ZNF596: variants seen among roughly 807,000 people sequenced by gnomAD.
ZNF596 encodes the protein zinc finger protein 596.
ZNF596 carries 45 observed loss-of-function variants against 48.3 expected under a neutral mutation model. The observed-to-expected ratio is 0.93, with a 90% CI of 0.73 to 1.19. The LOEUF (loss-of-function observed/expected upper bound fraction) is 1.19. Ranked by LOEUF, ZNF596 falls within the 50% of genes most tolerant of loss-of-function variation. The pLI is 0.00. For missense variants in ZNF596, 848 were observed against 599.7 expected (o/e 1.41, Z -4.32); for synonymous variants, 270 against 202.0 (o/e 1.34, Z -2.85).
In ZNF596 at chr8:245,384, C is replaced by T; in HGVS notation, c.537C>T (p.Asn179=). The T allele has an allele frequency of 2.5e-6, 4 of 1,614,176 alleles. No individual in the cohort carries two copies. Among genetic ancestry groups the T allele is most frequent in the Admixed American group, 1.7e-5 (1 of 60,032 alleles). ...TATTTGATTATGCCTTTATCCAAAA[C>T]TCTGCCCTTAGACCACACAGTGTGA... The part of the protein sequence containing the change: ...SHLFDYAFIQ[N]SALRPHSVTH... Residue 179 remains asparagine (N), a synonymous_variant, in exon 6 of 6, where the codon AAC becomes AAT. Transcript: ENST00000398612.
chr8:240,542 G>A (rs1241419117), intron 1 of ZNF596: 1 of 225,502 alleles, frequency 4.4e-6, no homozygotes, highest in Non-Finnish European at 8.7e-6. Context: ...TTAGGATTTG[G>A]AATCATAGAA....
intron 4 of ZNF596, 110 bp from the exon 5 acceptor site, chr8:244,509 C>A: frequency 1.4e-6 from 1 of 723,948 alleles, no homozygotes; most frequent in Non-Finnish European, 2.4e-6. Flanking sequence ...ATTTAACATT[C>A]TTTCCCTGTC....
chr8:243,763 C>A lies in ZNF596; in HGVS notation c.181C>A (p.Gln61Lys). ...ATCAGTTGTGCTTTCCCAATTGGAG[C>A]AAGTAGAGAAACTTTCAACACAAAG... Reference protein sequence around the residue: ...CKSVVLSQLEQVEKLSTQRIS... With the variant: ...CKSVVLSQLEKVEKLSTQRIS... Residue 61 changes from glutamine to lysine, a missense_variant, in exon 4 of 6, where the codon CAA becomes AAA. By Grantham distance (53) the Gln-to-Lys change is moderately conservative. Transcript: ENST00000398612. 2 of 1,613,722 alleles carry A rather than the reference C, an allele frequency of 1.2e-6. No homozygotes were observed. The highest frequency in any genetic ancestry group is 1.7e-6 in the Non-Finnish European group (2 of 1,179,794).
chr8:236,569 C>A (rs1796622817), intron 1 of ZNF596, among the ~76,000 whole-genome samples: 2 of 151,970 alleles, frequency 1.3e-5, no homozygotes, highest in Non-Finnish European at 2.9e-5. Flanking sequence ...AAGAATTAGT[C>A]CCCACAATTT....
At chr8:245,071 A>G in intron 5 of ZNF596, 83 bp from the exon 6 acceptor site, 6 of 1,451,108 alleles carry the variant, frequency 4.1e-6, no homozygotes, top group Non-Finnish European at 5.5e-6. Flanking sequence ...ATTATTCTAG[A>G]ATTAATATGT....
intron 2 of ZNF596, among the ~76,000 whole-genome samples, chr8:241,665 CA>C (rs747885548): frequency 3.0e-4 from 45 of 152,012 alleles, no homozygotes; most frequent in Non-Finnish European, 5.9e-4. Context: ...CCAGGACAAT[CA>C]AAGGATTTTT....
In ZNF596 at chr8:232,503, G is replaced by A. The variant is rs1396417110; in HGVS notation, c.-264G>A. On this transcript the variant is annotated 5_prime_UTR_variant, in exon 1 of 6. Transcript: ENST00000398612. Reference sequence around the variant, plus strand: ...CCACACCCGGGGTCTGCTGGTCTCCGCGGATGTCACAGGCTCGGCAACCGC... The same window carrying A: ...CCACACCCGGGGTCTGCTGGTCTCCACGGATGTCACAGGCTCGGCAACCGC... 1 of 305,202 alleles carries A rather than the reference G, an allele frequency of 3.3e-6. No homozygotes were observed. The highest frequency in any genetic ancestry group is 6.7e-6 in the Non-Finnish European group (1 of 148,408). The allele number at this position is 305,202 out of a possible 1,614,324, so 18.9% of individuals were successfully genotyped here. A position where few individuals can be genotyped will look rare whatever the true frequency, so the allele number is the denominator to read the frequency against.
rs963669537 is a variant in ZNF596, at chr8:247,142, A to C, written c.*780A>C. The C allele has an allele frequency of 6.6e-6, 1 of 152,182 alleles. No homozygotes were observed. The highest frequency in any genetic ancestry group is 1.5e-5 in the Non-Finnish European group (1 of 68,030). 9.4% of individuals were successfully genotyped at this position (152,182 alleles called of 1,614,324 possible). A position where few individuals can be genotyped will look rare whatever the true frequency, so the allele number is the denominator to read the frequency against. On this transcript the variant is annotated 3_prime_UTR_variant, in exon 6 of 6. Transcript: ENST00000398612. ...TGAGACAGGGATGAAAACTCTAAAA[A>C]GCCATTGATGAGATGTATAGCTGGG...
chr8:246,414 C>T lies in ZNF596; in HGVS notation c.*52C>T. On this transcript the variant is annotated 3_prime_UTR_variant, in exon 6 of 6. Coordinates refer to ENST00000398612, the MANE Select transcript of ZNF596 (RefSeq NM_001042416.3). ...AAATACACCAAGGACAAACATACTA[C>T]AGGAATATTATGTCTGTAATCAGTG... is the stretch of plus-strand genomic sequence containing the variant. The T allele has an allele frequency of 6.6e-7, 1 of 1,520,354 alleles. No individual in the cohort carries two copies. Among genetic ancestry groups the T allele is most frequent in the Non-Finnish European group, 8.8e-7 (1 of 1,140,566 alleles). 94.2% of individuals were successfully genotyped at this position (1,520,354 alleles called of 1,614,324 possible).
chr8:244,879 G>A (rs1215877145), intron 5 of ZNF596, among the ~76,000 whole-genome samples, 178 bp downstream of exon 5: 1 of 152,136 alleles, frequency 6.6e-6, no homozygotes, highest in African/African-American at 2.4e-5. Flanking sequence ...CTTATGACAG[G>A]ACAACTGTAC....
At chr8:238,770 G>A (rs1796728066) in intron 1 of ZNF596, among the ~76,000 whole-genome samples, 1 of 151,790 alleles carries the variant, frequency 6.6e-6, no homozygotes, top group African/African-American at 2.4e-5. Context: ...TCGTGCCGTT[G>A]CACTACAGCC....
rs372311968 is a variant in ZNF596 at position 245,475 on chromosome 8, C to T, written c.628C>T (p.Leu210Phe). The change falls in exon 6 of 6, where the codon CTT (leucine) becomes TTT (phenylalanine). Residue 210 changes from leucine to phenylalanine, a missense_variant. By Grantham distance (22) the Leu-to-Phe change is conservative (BLOSUM62 0). Transcript: ENST00000398612. ...GAAAACCTTTAGCAAAAATTCTAAT[C>T]TTAGGCGACATGAGATGATTCACAC... ...CGKTFSKNSN[L>F]RRHEMIHTGE... The T allele has an allele frequency of 1.9e-6, 3 of 1,614,076 alleles. No homozygotes were observed. Among genetic ancestry groups the T allele is most frequent in the Non-Finnish European group, 2.5e-6 (3 of 1,180,036 alleles).
Position 246,537 on chromosome 8 carries a change from A to G in ZNF596, c.*175A>G. 1.3e-6 allele frequency: 1 copy of G among 758,076 alleles called. No homozygotes were observed. Among genetic ancestry groups the G allele is most frequent in the Non-Finnish European group, 2.0e-6 (1 of 495,444 alleles). 47.0% of individuals were successfully genotyped at this position (758,076 alleles called of 1,614,324 possible). ...ATTTAATGTTTATGGCACAAACTTC[A>G]GACTCTAGGCTGACCATATACAACG... On this transcript the variant is annotated 3_prime_UTR_variant, in exon 6 of 6. Transcript: ENST00000398612.
rs1262652961 is a variant in ZNF596, at chr8:245,191, A to G, written c.344A>G (p.Asp115Gly). The change falls in exon 6 of 6, where the codon GAC becomes GGC. Residue 115 changes from aspartate to glycine, a missense_variant. By Grantham distance (94) the Asp-to-Gly change is moderately conservative (BLOSUM62 -1). Coordinates refer to ENST00000398612, the MANE Select transcript of ZNF596 (RefSeq NM_001042416.3). ...CAAGAGGATCCTTTTCTATGCAATG[A>G]CTTAGGAGAAGATTTCACTCAACAT... ...HTQEDPFLCN[D>G]LGEDFTQHIA... is the part of the protein sequence containing the mutation. 3.1e-6 allele frequency: 5 copies of G among 1,607,392 alleles called. No individual in the cohort carries two copies. Among genetic ancestry groups the G allele is most frequent in the African/African-American group, 1.3e-5 (1 of 74,642 alleles).
upstream of ZNF596, chr8:232,404 AG>A: frequency 5.1e-6 from 1 of 197,982 alleles, no homozygotes; most frequent in South Asian, 8.8e-5. Flanking sequence ...TCCGGAGCCG[AG>A]GTCCGCTCGG....
At chr8:243,837 G>A (rs1376084655) in intron 4 of ZNF596, 32 bp downstream of exon 4, 2 of 1,590,626 alleles carry the variant, frequency 1.3e-6, no homozygotes, top group Admixed American at 1.7e-5. Context: ...TTCAATAGGA[G>A]GAGGAGAAAC....
intron 1 of ZNF596, among the ~76,000 whole-genome samples, chr8:239,390 T>G (rs1453735772): frequency 6.6e-6 from 1 of 152,058 alleles, no homozygotes; most frequent in Non-Finnish European, 1.5e-5. Flanking sequence ...GGTTTTGGGG[T>G]TTCACCAAGT....
chr8:245,251 G>C lies in ZNF596; in HGVS notation c.404G>C (p.Arg135Thr), dbSNP rs376173974. Residue 135 changes from arginine (R) to threonine (T), a missense_variant, in exon 6 of 6, where the codon AGA becomes ACA. Coordinates refer to ENST00000398612, the MANE Select transcript of ZNF596 (RefSeq NM_001042416.3). ...ALTQNVITYM[R>T]TKHFVSKKFG... ...ACTCAAAATGTGATTACCTACATGA[G>C]AACGAAACACTTTGTAAGCAAAAAG... The C allele has an allele frequency of 1.1e-5, 17 of 1,613,862 alleles. No individual in the cohort carries two copies. The highest frequency in any genetic ancestry group is 2.2e-5 in the East Asian group (1 of 44,880).
chr8:235,560 T>C (rs1796585024), intron 1 of ZNF596, among the ~76,000 whole-genome samples: 1 of 152,248 alleles, frequency 6.6e-6, no homozygotes. Flanking sequence ...GAATAAATTT[T>C]ATTATTTTAT....
Sources: gnomAD v4.1 joint callset for allele counts (sites outside exome capture counted in the v4.1 genomes callset) on GRCh38, gnomAD v4.1.1 for gene constraint, MANE v1.5 for transcripts, NCBI Gene and HGNC (gene_info 2026-07-23, HGNC 2026-07-21) for gene names.